MAPKAP1: variants seen among roughly 807,000 people sequenced by gnomAD.
MAPKAP1 encodes MAPK associated protein 1.
A neutral mutation model predicts 65.7 loss-of-function variants in MAPKAP1; 20 were observed. The ratio of observed to expected loss-of-function variants is 0.30; its 90% confidence interval spans 0.21 to 0.44. MAPKAP1 has a LOEUF of 0.44. MAPKAP1 is among the 20% of genes least tolerant of loss of function. The pLI is 1.00. For synonymous variants in MAPKAP1, 222 were observed against 244.3 expected, an observed-to-expected ratio of 0.91 and a Z score of 0.85; for missense variants, 423 against 648.0, an observed-to-expected ratio of 0.65 and a Z score of 3.77.
At chr9:125,681,281 G>T (rs1588069265) in intron 1 of MAPKAP1, among the ~76,000 whole-genome samples, 1 of 152,206 alleles carries the variant, frequency 6.6e-6, no homozygotes, top group African/African-American at 2.4e-5. Context: ...CTGAACCTTG[G>T]CCTCAAGAGC....
chr9:125,611,461 G>A (rs957669078), intron 4 of MAPKAP1, among the ~76,000 whole-genome samples: 1 of 152,204 alleles, frequency 6.6e-6, no homozygotes, highest in Non-Finnish European at 1.5e-5. Context: ...TCTGATAGGT[G>A]TAGCTAGAGT....
At chr9:125,667,422 C>T (rs1834371400) in intron 3 of MAPKAP1, among the ~76,000 whole-genome samples, 1 of 152,190 alleles carries the variant, frequency 6.6e-6, no homozygotes, top group Non-Finnish European at 1.5e-5. Flanking sequence ...CAGGTTCAAG[C>T]AATTCTCATG....
chr9:125,686,573 T>C (rs1834985352), intron 1 of MAPKAP1, among the ~76,000 whole-genome samples: 1 of 152,152 alleles, frequency 6.6e-6, no homozygotes, highest in Non-Finnish European at 1.5e-5. Flanking sequence ...AGGATGTGAC[T>C]GGGAGAGGTT....
At chr9:125,577,127 C>T (rs1371592903) in intron 5 of MAPKAP1, among the ~76,000 whole-genome samples, 2 of 150,646 alleles carry the variant, frequency 1.3e-5, no homozygotes, top group African/African-American at 4.9e-5. Context: ...CGTCTCTGCC[C>T]GGCCGCCCAT....
rs368561392 is a variant in MAPKAP1, at chr9:125,665,032, T to C, written c.349+4786A>G. The stretch of plus-strand genomic sequence containing the variant: ...TGAAGATGAAATAGGCCAGGCACAG[T>C]GGCTCACACCTGTAATCCCAACACT... On this transcript the variant is annotated intron_variant, in intron 3 of 11. Coordinates refer to ENST00000265960, the MANE Select transcript of MAPKAP1 (RefSeq NM_001006617.3). Among the ~76,000 whole-genome samples, 18 of 152,232 alleles carry C rather than the reference T, an allele frequency of 1.2e-4. No individual in the cohort carries two copies. The East Asian group carries it at 3.3e-3, about 28-fold the overall frequency.
chr9:125,600,625 A>G (rs1832273703), intron 4 of MAPKAP1, among the ~76,000 whole-genome samples: 1 of 152,236 alleles, frequency 6.6e-6, no homozygotes, highest in Admixed American at 6.5e-5. Flanking sequence ...TGTTCCTTCA[A>G]GCAAACATGA....
chr9:125,614,621 G>A (rs895675395), intron 4 of MAPKAP1, among the ~76,000 whole-genome samples: 8 of 152,058 alleles, frequency 5.3e-5, no homozygotes, highest in East Asian at 3.9e-4. Flanking sequence ...GTGAGACTCC[G>A]TCTCAAAATA....
At chr9:125,559,985 A>G (rs975681983) in intron 5 of MAPKAP1, among the ~76,000 whole-genome samples, 176 bp from the exon 6 acceptor site, 1 of 152,166 alleles carries the variant, frequency 6.6e-6, no homozygotes, top group Non-Finnish European at 1.5e-5. Context: ...ACACATGGCA[A>G]TGCAAAGGGG....
intron 4 of MAPKAP1, among the ~76,000 whole-genome samples, chr9:125,622,942 G>C (rs866358675): frequency 1.3e-5 from 2 of 152,140 alleles, no homozygotes; most frequent in Non-Finnish European, 2.9e-5. Flanking sequence ...GAATGCCTGC[G>C]ATTGCAGGCA....
intron 5 of MAPKAP1, among the ~76,000 whole-genome samples, chr9:125,578,606 T>G (rs530039299): frequency 6.6e-6 from 1 of 152,198 alleles, no homozygotes; most frequent in East Asian, 1.9e-4. Flanking sequence ...AAGCTCAGAT[T>G]GCTGATGAAG....
Position 125,447,223 on chromosome 9 carries a change from C to A in MAPKAP1, c.1346-2625G>T. 1 of 363,002 alleles carries A rather than the reference C, an allele frequency of 2.8e-6. No homozygotes were observed. The highest frequency in any genetic ancestry group is 5.6e-6 in the Non-Finnish European group (1 of 179,076). The allele number at this position is 363,002 out of a possible 1,614,324, so 22.5% of individuals were successfully genotyped here. A position where few individuals can be genotyped will look rare whatever the true frequency, so the allele number is the denominator to read the frequency against. ...CCCCAGGGCTCATTCCAGCACCCATCTGAGGAAGAGTGAAGCAGGTGAGGA... is the reference window on the plus strand; with the variant it reads ...CCCCAGGGCTCATTCCAGCACCCATATGAGGAAGAGTGAAGCAGGTGAGGA... On this transcript the variant is annotated intron_variant, in intron 10 of 11. Transcript: ENST00000265960. The surrounding 1 kb of genome is among the most constrained non-coding windows in gnomAD (Gnocchi z 4.5).
At chr9:125,533,018 G>A (rs956270934) in intron 7 of MAPKAP1, among the ~76,000 whole-genome samples, 2 of 152,076 alleles carry the variant, frequency 1.3e-5, no homozygotes, top group African/African-American at 4.8e-5. Flanking sequence ...GTGCTCAAAG[G>A]GCCAGCAGGC....
intron 4 of MAPKAP1, among the ~76,000 whole-genome samples, chr9:125,609,496 GT>G (rs1832537611): frequency 6.6e-6 from 1 of 152,166 alleles, no homozygotes; most frequent in African/African-American, 2.4e-5. Flanking sequence ...TTGTTTGTTT[GT>G]TTTTAAGAAA....
chr9:125,595,482 T>C lies in MAPKAP1; in HGVS notation c.499-9755A>G. On this transcript the variant is annotated intron_variant, in intron 4 of 11. Transcript: ENST00000265960. The surrounding 1 kb of genome is among the most constrained non-coding windows in gnomAD (Gnocchi z 4.0). The stretch of plus-strand genomic sequence containing the variant: ...TAAAATAATATACATTAGCTGCTTA[T>C]CATAAAATTAATTTCAAAATCATAT... 9.7e-7 allele frequency: 1 copy of C among 1,035,834 alleles called. No homozygotes were observed. The highest frequency in any genetic ancestry group is 1.2e-6 in the Non-Finnish European group (1 of 847,870). The allele number at this position is 1,035,834 out of a possible 1,614,324, so 64.2% of individuals were successfully genotyped here.
At chr9:125,510,104 G>A (rs1379728439) in intron 7 of MAPKAP1, among the ~76,000 whole-genome samples, 1 of 152,070 alleles carries the variant, frequency 6.6e-6, no homozygotes, top group Non-Finnish European at 1.5e-5. Context: ...AACCCCCAGA[G>A]GCAGATATAT....
At chr9:125,506,491 A>C in intron 7 of MAPKAP1, 74 bp from the exon 8 acceptor site, 4 of 1,190,432 alleles carry the variant, frequency 3.4e-6, no homozygotes, top group South Asian at 1.2e-5. Flanking sequence ...AACACCACAT[A>C]CTGGTGAAAA....
chr9:125,589,649 G>C (rs887672494), intron 4 of MAPKAP1, among the ~76,000 whole-genome samples: 5 of 152,162 alleles, frequency 3.3e-5, no homozygotes, highest in Non-Finnish European at 5.9e-5. Context: ...GGTCAGTACA[G>C]GGAAAGGAAA....
chr9:125,618,457 T>G (rs1832807157), intron 4 of MAPKAP1, among the ~76,000 whole-genome samples: 1 of 147,090 alleles, frequency 6.8e-6, no homozygotes. Flanking sequence ...AAATAAAATC[T>G]CAAACTCCTA....
intron 3 of MAPKAP1, among the ~76,000 whole-genome samples, chr9:125,668,401 T>C (rs116900048): frequency 4.2e-3 from 639 of 152,342 alleles, no homozygotes; most frequent in South Asian, 7.9e-3. Flanking sequence ...AGGTAGAGGC[T>C]GCTATTAGTA....
Sources: allele counts gnomAD v4.1 joint callset (sites outside exome capture counted in the v4.1 genomes callset), GRCh38; gene constraint gnomAD v4.1.1; non-coding constraint Gnocchi (gnomAD v3.1); transcripts MANE v1.5; gene names NCBI Gene and HGNC (gene_info 2026-07-23, HGNC 2026-07-21).